The following SUMF1 variants were observed in gnomAD, a reference collection of about 807,000 sequenced individuals.
SUMF1 encodes the protein sulfatase modifying factor 1, also known as formylglycine-generating enzyme.
A neutral mutation model predicts 47.6 loss-of-function variants in SUMF1; 48 were observed. The ratio of observed to expected loss-of-function variants is 1.01; its 90% confidence interval spans 0.80 to 1.28. The LOEUF is 1.28. Ranked by LOEUF, SUMF1 falls within the 50% of genes most tolerant of loss-of-function variation. The pLI is 0.00. For missense variants in SUMF1, 571 were observed against 485.4 expected (o/e 1.18, Z -1.66); for synonymous variants, 230 against 192.1 (o/e 1.20, Z -1.63).
intron 8 of SUMF1, among the ~76,000 whole-genome samples, chr3:4,219,085 C>A (rs1696005333): frequency 1.3e-5 from 2 of 152,152 alleles, no homozygotes; most frequent in Non-Finnish European, 2.9e-5. Flanking sequence ...TGTCAACACA[C>A]ACTCCCCCAT....
intron 6 of SUMF1, chr3:4,414,476 C>T (rs1288326379): frequency 1.3e-5 from 2 of 152,362 alleles, no homozygotes; most frequent in Admixed American, 1.3e-4. Context: ...CTTAGGTGGA[C>T]TTGAGATACT....
chr3:4,234,358 C>G (rs186066279), intron 8 of SUMF1, among the ~76,000 whole-genome samples: 73 of 152,152 alleles, frequency 4.8e-4, no homozygotes, highest in African/African-American at 1.6e-3. Flanking sequence ...CTTCTAAGCA[C>G]AAGCAGCAAT....
chr3:4,034,845 C>G (rs574686351), intron 9 of SUMF1, among the ~76,000 whole-genome samples: 19 of 152,028 alleles, frequency 1.2e-4, no homozygotes, highest in African/African-American at 4.6e-4. Flanking sequence ...CTAGCCAGGG[C>G]TCTCCCTCCA....
At chr3:4,237,727 A>G (rs1401543277) in intron 8 of SUMF1, among the ~76,000 whole-genome samples, 8 of 152,048 alleles carry the variant, frequency 5.3e-5, no homozygotes, top group Non-Finnish European at 1.2e-4. Context: ...AGATCATCTA[A>G]ATTTTCAGTC....
Position 4,456,692 on chromosome 3 carries a change from GTA to G in SUMF1, c.271-3645_271-3644del, listed in dbSNP as rs1432479615. On this transcript the variant is annotated intron_variant, in intron 1 of 8. Transcript: ENST00000272902. ...TATATACGTGTATATATATATGTGT[GTA>G]TATATATATACGTATATATATACAT... is the stretch of plus-strand genomic sequence containing the variant. Among the ~76,000 whole-genome samples, 316 of 131,114 alleles carry G rather than the reference GTA, an allele frequency of 2.4e-3. 17 individuals are homozygous for G. The highest frequency in any genetic ancestry group is 8.5e-3 in the African/African-American group (291 of 34,296). 86.0% of individuals were successfully genotyped at this position (131,114 alleles called of 152,430 possible).
At chr3:4,371,342 G>A (rs983779376) in intron 8 of SUMF1, among the ~76,000 whole-genome samples, 1 of 152,186 alleles carries the variant, frequency 6.6e-6, no homozygotes, top group African/African-American at 2.4e-5. Context: ...CCATGTCTGT[G>A]CTAAGAATGA....
At chr3:4,142,638 T>A (rs988591803) in intron 8 of SUMF1, among the ~76,000 whole-genome samples, 11 of 152,096 alleles carry the variant, frequency 7.2e-5, no homozygotes, top group African/African-American at 2.7e-4. Flanking sequence ...ATCATCATTT[T>A]ATGTGTTTGA....
intron 8 of SUMF1, among the ~76,000 whole-genome samples, chr3:4,069,351 G>C (rs1185899953): frequency 6.6e-6 from 1 of 152,186 alleles, no homozygotes; most frequent in Non-Finnish European, 1.5e-5. Flanking sequence ...CAATCACTTA[G>C]GGCCCTGTGC....
chr3:4,302,107 C>G (rs922058912), intron 8 of SUMF1, among the ~76,000 whole-genome samples: 4 of 152,102 alleles, frequency 2.6e-5, no homozygotes, highest in Non-Finnish European at 5.9e-5. Context: ...GTTTGTGAAC[C>G]CAAAATTATC....
chr3:4,075,441 G>T (rs929830847), intron 8 of SUMF1, among the ~76,000 whole-genome samples: 1 of 152,076 alleles, frequency 6.6e-6, no homozygotes, highest in Non-Finnish European at 1.5e-5. Flanking sequence ...AGACAAAGAT[G>T]CCCTCTCTCA....
chr3:4,418,111 ATGGAGAAC>A lies in SUMF1; in HGVS notation c.616_623del (p.Val206CysfsTer5), dbSNP rs773400437. On this transcript the variant is annotated frameshift_variant, in exon 5 of 9. Transcript: ENST00000272902. LOFTEE classifies it high-confidence loss of function. ...AGGCAACCGCATCATTCCAGGACAC[ATGGAGAAC>A]TGGATGATCCGGCCTGGGGAAGAGC... is the stretch of plus-strand genomic sequence containing the variant. 3.2e-5 allele frequency: 52 copies of A among 1,613,950 alleles called. No individual in the cohort carries two copies. The highest frequency in any genetic ancestry group is 4.2e-5 in the Non-Finnish European group (50 of 1,179,998).
At chr3:4,195,998 A>G (rs1260467548) in intron 8 of SUMF1, among the ~76,000 whole-genome samples, 1 of 152,138 alleles carries the variant, frequency 6.6e-6, no homozygotes, top group African/African-American at 2.4e-5. Context: ...ATTATATATA[A>G]TAATTTAGAT....
intron 8 of SUMF1, among the ~76,000 whole-genome samples, chr3:4,172,526 G>A (rs1260621780): frequency 6.6e-6 from 1 of 152,132 alleles, no homozygotes; most frequent in Non-Finnish European, 1.5e-5. Flanking sequence ...AGAAAGGTAA[G>A]ATTATTAGCT....
At chr3:4,246,486 C>G (rs1696673573) in intron 8 of SUMF1, among the ~76,000 whole-genome samples, 1 of 152,154 alleles carries the variant, frequency 6.6e-6, no homozygotes, top group Admixed American at 6.5e-5. Flanking sequence ...ACCATAACCT[C>G]TGCCTCCCAG....
At chr3:4,231,363 T>C (rs1291355949) in intron 8 of SUMF1, among the ~76,000 whole-genome samples, 7 of 152,140 alleles carry the variant, frequency 4.6e-5, no homozygotes, top group Non-Finnish European at 1.0e-4. Flanking sequence ...TGCAACGACC[T>C]TAGAAAGCCT....
At chr3:4,057,432 G>C (rs898064683) in intron 9 of SUMF1, among the ~76,000 whole-genome samples, 2 of 152,088 alleles carry the variant, frequency 1.3e-5, no homozygotes, top group African/African-American at 4.8e-5. Flanking sequence ...GAAAAAGGAA[G>C]GACATGGGTA....
intron 8 of SUMF1, among the ~76,000 whole-genome samples, chr3:4,199,778 G>T (rs576851413): frequency 6.6e-6 from 1 of 152,082 alleles, no homozygotes; most frequent in African/African-American, 2.4e-5. Flanking sequence ...CTTTTCTGGT[G>T]AAGTGTCTAG....
intron 8 of SUMF1, among the ~76,000 whole-genome samples, chr3:4,079,646 G>C (rs1242101698): frequency 6.6e-6 from 1 of 150,454 alleles, no homozygotes; most frequent in South Asian, 2.1e-4. Flanking sequence ...GGTTGGTTGT[G>C]ATAATTTAGT....
downstream of SUMF1, among the ~76,000 whole-genome samples, chr3:4,360,010 C>G (rs1326056972): frequency 2.0e-5 from 3 of 151,984 alleles, no homozygotes; most frequent in African/African-American, 7.3e-5. Context: ...AAAGTACACC[C>G]AAAACACCAA....
Sources: gnomAD v4.1 joint callset for allele counts (sites outside exome capture counted in the v4.1 genomes callset) on GRCh38, gnomAD v4.1.1 for gene constraint, MANE v1.5 for transcripts, NCBI Gene and HGNC (gene_info 2026-07-23, HGNC 2026-07-21) for gene names.